The following NRCAM variants were observed in gnomAD, a reference collection of about 807,000 sequenced individuals.
The protein encoded by NRCAM is NgCAM-related cell adhesion molecule.
A neutral mutation model predicts 156.5 loss-of-function variants in NRCAM; 83 were observed. The ratio of observed to expected loss-of-function variants is 0.53; its 90% CI spans 0.44 to 0.64. The LOEUF (loss-of-function observed/expected upper bound fraction) is 0.64. Among genes scored for constraint, NRCAM ranks in the 30% least tolerant of loss-of-function variants. NRCAM has a pLI of 0.00. For synonymous variants in NRCAM, 538 were observed against 563.9 expected, an observed-to-expected ratio of 0.95 and a Z score of 0.65; for missense variants, 1,417 against 1,597.3, an observed-to-expected ratio of 0.89 and a Z score of 1.92.
At chr7:108,383,118 C>G (rs2099708849) in intron 2 of NRCAM, among the ~76,000 whole-genome samples, 1 of 128,820 alleles carries the variant, frequency 7.8e-6, no homozygotes, top group South Asian at 3.1e-4. Flanking sequence ...CTGAGTCACA[C>G]CACACACACA....
intron 2 of NRCAM, among the ~76,000 whole-genome samples, chr7:108,341,980 C>T (rs567261920): frequency 1.3e-5 from 2 of 152,154 alleles, no homozygotes; most frequent in Non-Finnish European, 2.9e-5. Context: ...TTAAGGATGC[C>T]TTTTTCTGCA....
intron 2 of NRCAM, among the ~76,000 whole-genome samples, chr7:108,391,439 C>T (rs1199000444): frequency 6.6e-6 from 1 of 152,050 alleles, no homozygotes; most frequent in Non-Finnish European, 1.5e-5. Context: ...AGATCTTCCT[C>T]CATCCCTTTA....
intron 3 of NRCAM, among the ~76,000 whole-genome samples, chr7:108,286,324 C>T (rs2098097945): frequency 1.3e-5 from 2 of 151,864 alleles, no homozygotes; most frequent in Non-Finnish European, 2.9e-5. Flanking sequence ...TGGTGTTGGT[C>T]GTGAATGATC....
chr7:108,359,408 G>C (rs1419667947), intron 2 of NRCAM, among the ~76,000 whole-genome samples: 2 of 152,202 alleles, frequency 1.3e-5, no homozygotes, highest in Non-Finnish European at 2.9e-5. Context: ...GAGAGAAGGA[G>C]GGTGACCTCT....
chr7:108,169,123 T>C (rs1346113165), intron 28 of NRCAM, among the ~76,000 whole-genome samples: 1 of 152,242 alleles, frequency 6.6e-6, no homozygotes, highest in East Asian at 1.9e-4. Context: ...CAATCTTACC[T>C]GTTAACTGTT....
chr7:108,283,851 T>C (rs993224590), intron 3 of NRCAM, among the ~76,000 whole-genome samples: 1 of 152,286 alleles, frequency 6.6e-6, no homozygotes, highest in East Asian at 1.9e-4. Context: ...ATTCTTGTTT[T>C]GTTTTGTTTT....
At position 108,235,099 on chromosome 7, in the gene NRCAM, G is replaced by A. The variant is rs184290133; in HGVS notation, c.125-411C>T. On this transcript the variant is annotated intron_variant, in intron 5 of 32. Coordinates refer to ENST00000379028, the MANE Select transcript of NRCAM (RefSeq NM_001037132.4). ...TTCTTAAGAAAGAGTAACAGACTTA[G>A]GTCATTAGTGTGTGCTCATATAAAT... 3.0e-3 allele frequency among the ~76,000 whole-genome samples: 452 copies of A among 152,242 alleles called. 3 individuals are homozygous for A. The highest frequency in any genetic ancestry group is 0.01 in the African/African-American group (434 of 41,550).
At position 108,148,922 on chromosome 7, in the gene NRCAM, T is replaced by C. The variant is rs987694832; in HGVS notation, c.*988A>G. The stretch of plus-strand genomic sequence containing the variant: ...TTCTAATAAACTGTCTTATTTTTAT[T>C]TTCATGTTTCCTTCTTTTCCCAGCA... On this transcript the variant is annotated 3_prime_UTR_variant, in exon 33 of 33. Transcript: ENST00000379028. 3.9e-5 allele frequency: 6 copies of C among 152,662 alleles called. No homozygotes were observed. The highest frequency in any genetic ancestry group is 7.3e-5 in the Non-Finnish European group (5 of 68,034). 9.5% of individuals were successfully genotyped at this position (152,662 alleles called of 1,614,324 possible).
At chr7:108,400,746 C>A (rs1486228857) in intron 1 of NRCAM, among the ~76,000 whole-genome samples, 1 of 152,046 alleles carries the variant, frequency 6.6e-6, no homozygotes, top group African/African-American at 2.4e-5. Context: ...TCAAGAGGTA[C>A]AGTGACTTAC....
chr7:108,209,332 C>T (rs1033962849), intron 12 of NRCAM, 89 bp downstream of exon 12: 2 of 869,460 alleles, frequency 2.3e-6, no homozygotes, highest in Admixed American at 2.9e-5. Context: ...TTTACATTTA[C>T]CATTACTAAA....
At position 108,232,440 on chromosome 7, in the gene NRCAM, T is replaced by A; in HGVS notation, c.313A>T (p.Ile105Leu). The A allele has an allele frequency of 6.2e-7, 1 of 1,613,790 alleles. No individual in the cohort carries two copies. Among genetic ancestry groups the A allele is most frequent in the Non-Finnish European group, 8.5e-7 (1 of 1,179,782 alleles). Residue 105 changes from isoleucine to leucine, a missense_variant, in exon 7 of 33, where the codon ATA (isoleucine) becomes TTA (leucine). By Grantham distance (5) the Ile-to-Leu change is conservative. This residue lies in a region of NRCAM where 1,238 missense variants were observed against 1,336.4 expected (regional missense o/e 0.93). Coordinates refer to ENST00000379028, the MANE Select transcript of NRCAM (RefSeq NM_001037132.4). ...VTMKPGTGTLIINIMSEGKAE... is the reference protein window; with the variant it reads ...VTMKPGTGTLLINIMSEGKAE... Reference sequence around the variant, plus strand: ...TTCCCTTCGCTCATGATGTTAATTATGAGCGTTCCTGTGCCAGGCTTCATG... The same window carrying A: ...TTCCCTTCGCTCATGATGTTAATTAAGAGCGTTCCTGTGCCAGGCTTCATG...
intron 28 of NRCAM, among the ~76,000 whole-genome samples, chr7:108,169,755 A>G (rs1294970144): frequency 6.6e-6 from 1 of 152,214 alleles, no homozygotes; most frequent in Non-Finnish European, 1.5e-5. Flanking sequence ...AATCAATGAC[A>G]GTAAATATGC....
intron 2 of NRCAM, among the ~76,000 whole-genome samples, chr7:108,396,396 C>A (rs2099776964): frequency 6.6e-6 from 1 of 152,182 alleles, no homozygotes; most frequent in South Asian, 2.1e-4. Context: ...AGACCACCTA[C>A]AACTCGCGTG....
intron 3 of NRCAM, among the ~76,000 whole-genome samples, chr7:108,277,403 GT>G (rs1465280773): frequency 1.3e-5 from 2 of 152,000 alleles, no homozygotes; most frequent in African/African-American, 4.8e-5. Context: ...TTTTCACATT[GT>G]CCCATATTTC....
chr7:108,448,046 C>G (rs1483418352), intron 1 of NRCAM, among the ~76,000 whole-genome samples: 2 of 152,172 alleles, frequency 1.3e-5, no homozygotes, highest in Non-Finnish European at 2.9e-5. Flanking sequence ...AGCAGTGAAC[C>G]CTTGACATCT....
Position 108,184,340 on chromosome 7 carries a change from A to T in NRCAM, c.2234-29T>A, listed in dbSNP as rs2065378534. Reference sequence around the variant, plus strand: ...GAAGTTAAGCAGCCACACATGTGTAAGCTTTGGCCTTTTGCGAAGAGTGGA... The same window carrying T: ...GAAGTTAAGCAGCCACACATGTGTATGCTTTGGCCTTTTGCGAAGAGTGGA... On this transcript the variant is annotated intron_variant, in intron 21 of 32. Coordinates refer to ENST00000379028, the MANE Select transcript of NRCAM (RefSeq NM_001037132.4). 3.1e-6 allele frequency: 5 copies of T among 1,613,640 alleles called. No individual in the cohort carries two copies. In the South Asian group the frequency reaches 5.5e-5, roughly 18 times the overall value.
At chr7:108,386,984 G>C (rs544739203) in intron 2 of NRCAM, among the ~76,000 whole-genome samples, 6 of 152,114 alleles carry the variant, frequency 3.9e-5, no homozygotes, top group Admixed American at 3.9e-4. Context: ...GTCAAAAGCA[G>C]AGGAGTTCCC....
At chr7:108,339,863 C>T (rs1198496021) in intron 2 of NRCAM, among the ~76,000 whole-genome samples, 1 of 151,788 alleles carries the variant, frequency 6.6e-6, no homozygotes, top group Non-Finnish European at 1.5e-5. Flanking sequence ...CAATTGGGAC[C>T]AATTTGACCC....
chr7:108,411,590 C>T (rs1219477607), intron 1 of NRCAM, among the ~76,000 whole-genome samples: 4 of 152,206 alleles, frequency 2.6e-5, no homozygotes, highest in Non-Finnish European at 2.9e-5. Flanking sequence ...AGTGCAATGG[C>T]GTGATCTCAG....
Sources: gnomAD v4.1 joint callset for allele counts (sites outside exome capture counted in the v4.1 genomes callset) on GRCh38, gnomAD v4.1.1 for gene constraint, gnomAD v4.1.1 regional missense constraint, MANE v1.5 for transcripts, NCBI Gene and HGNC (gene_info 2026-07-23, HGNC 2026-07-21) for gene names.